Variants in MSH4 observed in about 807,000 individuals in gnomAD.
MSH4 encodes the protein mutS protein homolog 4.
MSH4 carries 106 observed loss-of-function variants against 113.7 expected under a neutral mutation model. The ratio of observed to expected loss-of-function variants is 0.93; its 90% CI spans 0.80 to 1.10. MSH4 has a LOEUF of 1.10. Among genes scored for constraint, MSH4 ranks in the 50% least tolerant of loss-of-function variants. The probability of loss-of-function intolerance (pLI) is 0.00; values close to 1 mark genes in which losing one functional copy is unlikely to be tolerated. For synonymous variants in MSH4, 368 were observed against 380.2 expected (o/e 0.97, Z 0.37); for missense variants, 1,061 against 1,093.7 (o/e 0.97, Z 0.42).
At chr1:75,904,918 A>G (rs540015680) in intron 19 of MSH4, among the ~76,000 whole-genome samples, 1 of 151,800 alleles carries the variant, frequency 6.6e-6, no homozygotes, top group Non-Finnish European at 1.5e-5. Context: ...GATCCTTTGT[A>G]TTTCTGTGGT....
chr1:75,832,933 AG>A (rs537526143), intron 7 of MSH4, among the ~76,000 whole-genome samples: 236 of 152,316 alleles, frequency 1.5e-3, no homozygotes, highest in African/African-American at 5.2e-3. Flanking sequence ...AGTTCTGGTC[AG>A]GGCAAGCAGG....
intron 3 of MSH4, among the ~76,000 whole-genome samples, chr1:75,809,866 G>T (rs1005817925): frequency 3.3e-5 from 5 of 152,012 alleles, no homozygotes; most frequent in Non-Finnish European, 7.4e-5. Flanking sequence ...GGCCAAGCTG[G>T]TTGTGAACTC....
At chr1:75,902,948 G>A (rs1652542895) in intron 19 of MSH4, among the ~76,000 whole-genome samples, 1 of 150,140 alleles carries the variant, frequency 6.7e-6, no homozygotes, top group Admixed American at 6.7e-5. Context: ...TGCTTAATTT[G>A]GTTGTCAGAA....
rs946981332 is a variant in MSH4 at position 75,822,588 on chromosome 1, C to A, written c.1162+7C>A. Reference sequence around the variant, plus strand: ...TTTTTTGGACTTCAATCAGGTAAATCAATATTATTTAATATTATAAATACA... The same window carrying A: ...TTTTTTGGACTTCAATCAGGTAAATAAATATTATTTAATATTATAAATACA... On this transcript the variant is annotated splice_region_variant and intron_variant, in intron 7 of 19. Coordinates refer to ENST00000263187, the MANE Select transcript of MSH4 (RefSeq NM_002440.4). 2.2e-6 allele frequency: 3 copies of A among 1,382,612 alleles called. No homozygotes were observed. Among genetic ancestry groups the A allele is most frequent in the Non-Finnish European group, 2.9e-6 (3 of 1,030,998 alleles). The allele number at this position is 1,382,612 out of a possible 1,614,324, so 85.6% of individuals were successfully genotyped here. A position where few individuals can be genotyped will look rare whatever the true frequency, so the allele number is the denominator to read the frequency against.
intron 1 of MSH4, among the ~76,000 whole-genome samples, chr1:75,802,503 A>G (rs566427695): frequency 3.9e-5 from 6 of 152,224 alleles, no homozygotes; most frequent in East Asian, 1.9e-4. Context: ...TAGAACTTCT[A>G]TGTGCCAAGA....
intron 8 of MSH4, among the ~76,000 whole-genome samples, chr1:75,861,983 G>A (rs1017999363): frequency 2.6e-5 from 4 of 152,014 alleles, no homozygotes; most frequent in African/African-American, 9.7e-5. Flanking sequence ...ACCTACTCAA[G>A]CCTCAGCAAT....
chr1:75,898,137 C>CA (rs895403974), intron 18 of MSH4, 56 bp downstream of exon 18: 96 of 1,187,384 alleles, frequency 8.1e-5, no homozygotes, highest in Non-Finnish European at 1.1e-4. Context: ...TCTCCTAAGA[C>CA]AAACTTTCAT....
rs1411588748 is a variant in MSH4 at position 75,876,970 on chromosome 1, G to A, written c.1340G>A (p.Arg447Lys). The change falls in exon 10 of 20, where the codon AGA (arginine) becomes AAA (lysine). Residue 447 changes from arginine to lysine, a missense_variant. Transcript: ENST00000263187. ...AAGAACTGTAACACACCTTTATTAA[G>A]AGCTTACTATGGTTCCTTGGAAGAC... ...AMKNCNTPLL[R>K]AYYGSLEDKR... 6.4e-7 allele frequency: 1 copy of A among 1,564,114 alleles called. No individual in the cohort carries two copies. Among genetic ancestry groups the A allele is most frequent in the South Asian group, 1.2e-5 (1 of 81,648 alleles).
At chr1:75,906,896 C>T (rs1322814811) in intron 19 of MSH4, among the ~76,000 whole-genome samples, 1 of 149,694 alleles carries the variant, frequency 6.7e-6, no homozygotes, top group African/African-American at 2.5e-5. Context: ...TGCAGTGGCG[C>T]GATCTTGGCT....
chr1:75,868,492 A>C (rs1011336071), intron 9 of MSH4, among the ~76,000 whole-genome samples: 5 of 152,194 alleles, frequency 3.3e-5, no homozygotes, highest in African/African-American at 1.2e-4. Context: ...TTTTTATTGA[A>C]GTGATAAAGG....
At chr1:75,838,893 T>C (rs1014463874) in intron 7 of MSH4, among the ~76,000 whole-genome samples, 1 of 152,226 alleles carries the variant, frequency 6.6e-6, no homozygotes, top group Non-Finnish European at 1.5e-5. Context: ...GTGTTAGGCA[T>C]CTTTAATACA....
rs1298775544 is a variant in MSH4 at position 75,857,595 on chromosome 1, C to T, written c.1230+9319C>T. Among the ~76,000 whole-genome samples the T allele has an allele frequency of 2.0e-5, 3 of 152,038 alleles. No individual in the cohort carries two copies. The East Asian group carries it at 5.8e-4, about 29-fold the overall frequency. ...TCAGGTTTGTCAAAGATCAGATGGT[C>T]GTACATGTGTGGTGTTATTTCTGAG... On this transcript the variant is annotated intron_variant, in intron 8 of 19. Coordinates refer to ENST00000263187, the MANE Select transcript of MSH4 (RefSeq NM_002440.4).
At chr1:75,803,566 G>A (rs1193224481) in intron 1 of MSH4, among the ~76,000 whole-genome samples, 165 bp from the exon 2 acceptor site, 2 of 151,930 alleles carry the variant, frequency 1.3e-5, no homozygotes, top group African/African-American at 2.4e-5. Flanking sequence ...GCAGTGAGCC[G>A]AGATCATGCC....
At chr1:75,888,931 G>A (rs1327032807) in intron 15 of MSH4, among the ~76,000 whole-genome samples, 7 of 128,084 alleles carry the variant, frequency 5.5e-5, no homozygotes, top group Non-Finnish European at 1.1e-4. Context: ...GTCTCATTCT[G>A]TCGCCCAGGC....
chr1:75,833,469 C>T (rs1430306940), intron 7 of MSH4, among the ~76,000 whole-genome samples: 1 of 152,106 alleles, frequency 6.6e-6, no homozygotes, highest in African/African-American at 2.4e-5. Flanking sequence ...AAAGAGCTCG[C>T]ATTAACTGGA....
chr1:75,895,357 C>A (rs1475653176), intron 17 of MSH4, among the ~76,000 whole-genome samples: 3 of 152,158 alleles, frequency 2.0e-5, no homozygotes, highest in Non-Finnish European at 2.9e-5. Flanking sequence ...ACAACCCAAC[C>A]CAGGCAGGAC....
At chr1:75,808,844 AC>A (rs1650123213) in intron 3 of MSH4, among the ~76,000 whole-genome samples, 1 of 151,966 alleles carries the variant, frequency 6.6e-6, no homozygotes, top group Admixed American at 6.6e-5. Flanking sequence ...CATTTGGGCC[AC>A]TCGCCTATTG....
chr1:75,863,057 A>G (rs1299633055), intron 8 of MSH4, among the ~76,000 whole-genome samples: 3 of 152,130 alleles, frequency 2.0e-5, no homozygotes, highest in Non-Finnish European at 4.4e-5. Context: ...ATTTATATTA[A>G]AGATATTTTT....
intron 1 of MSH4, among the ~76,000 whole-genome samples, chr1:75,799,633 A>G (rs1392942685): frequency 6.6e-6 from 1 of 152,220 alleles, no homozygotes; most frequent in Admixed American, 6.5e-5. Context: ...GCACAGAAGA[A>G]TCATGTAAAA....
Sources: allele counts gnomAD v4.1 joint callset (sites outside exome capture counted in the v4.1 genomes callset), GRCh38; gene constraint gnomAD v4.1.1; transcripts MANE v1.5; gene names NCBI Gene and HGNC (gene_info 2026-07-23, HGNC 2026-07-21).